Variants in KCTD1 observed in about 807,000 individuals in gnomAD.
The protein encoded by KCTD1 is potassium channel tetramerization domain containing 1.
Under a neutral mutation model 66.0 loss-of-function variants are expected in KCTD1, and 24 were observed. The ratio of observed to expected loss-of-function variants is 0.36; its 90% CI spans 0.26 to 0.51. KCTD1 has a LOEUF of 0.51. KCTD1 is among the 20% of genes least tolerant of loss of function. The pLI is 0.95. For missense variants in KCTD1, 943 were observed against 1,205.2 expected, an observed-to-expected ratio of 0.78 and a Z score of 3.22; for synonymous variants, 511 against 517.2, an observed-to-expected ratio of 0.99 and a Z score of 0.16.
chr18:26,639,533 A>G (rs1032884448), intron 1 of KCTD1, among the ~76,000 whole-genome samples: 2 of 152,194 alleles, frequency 1.3e-5, no homozygotes, highest in African/African-American at 4.8e-5. Context: ...GAAAAAAATG[A>G]GAAAATAAAA....
intron 1 of KCTD1, among the ~76,000 whole-genome samples, chr18:26,639,216 G>A (rs1447176745): frequency 6.6e-6 from 1 of 152,170 alleles, no homozygotes; most frequent in East Asian, 1.9e-4. Flanking sequence ...GAATCTCTGC[G>A]AAGTAAGGAC....
At chr18:26,561,458 C>A (rs1985846571) in intron 1 of KCTD1, among the ~76,000 whole-genome samples, 1 of 152,160 alleles carries the variant, frequency 6.6e-6, no homozygotes, top group African/African-American at 2.4e-5. Flanking sequence ...CCCATGTCTC[C>A]AGGTGCCTAT....
Position 26,634,595 on chromosome 18 carries a change from C to A in KCTD1, c.-106-5358G>T, listed in dbSNP as rs540176995. On this transcript the variant is annotated intron_variant, in intron 1 of 5. Coordinates refer to the KCTD1 transcript ENST00000579973. ...AGTATGTATGATATGATTACATGTG[C>A]ACATTTATATAATTAAAATTTATAT... is the stretch of plus-strand genomic sequence containing the variant. Among the ~76,000 whole-genome samples, 27 of 152,158 alleles carry A rather than the reference C, an allele frequency of 1.8e-4. No homozygotes were observed. The South Asian group carries it at 5.2e-3, about 29-fold the overall frequency.
intron 1 of KCTD1, among the ~76,000 whole-genome samples, chr18:26,563,543 T>A (rs1985911492): frequency 6.6e-6 from 1 of 152,246 alleles, no homozygotes. Flanking sequence ...TGATTTCACA[T>A]GTTACCTCCT....
intron 1 of KCTD1, among the ~76,000 whole-genome samples, chr18:26,586,704 C>T (rs1986480098): frequency 6.6e-6 from 1 of 152,200 alleles, no homozygotes. Context: ...GAAAGCAAAA[C>T]AGCCTTATTG....
At chr18:26,493,268 T>C (rs1307068780) in intron 2 of KCTD1, among the ~76,000 whole-genome samples, 1 of 152,208 alleles carries the variant, frequency 6.6e-6, no homozygotes, top group Middle Eastern at 3.2e-3. Context: ...ATGTGCGATG[T>C]CTGTGGCTAG....
chr18:26,646,879 G>T (rs190597638), intron 1 of KCTD1, among the ~76,000 whole-genome samples: 4 of 152,156 alleles, frequency 2.6e-5, no homozygotes, highest in East Asian at 1.9e-4. Context: ...GAACACAAAG[G>T]TTTAATGGGA....
intron 3 of KCTD1, among the ~76,000 whole-genome samples, chr18:26,460,349 C>T (rs1235543252): frequency 6.6e-6 from 1 of 152,204 alleles, no homozygotes; most frequent in African/African-American, 2.4e-5. Flanking sequence ...AATTTCTATC[C>T]TCTTGGATGG....
At chr18:26,616,265 A>C (rs1239111654) in intron 1 of KCTD1, among the ~76,000 whole-genome samples, 1 of 151,578 alleles carries the variant, frequency 6.6e-6, no homozygotes, top group Non-Finnish European at 1.5e-5. Context: ...AGATTGATCA[A>C]ATGCTTTAAT....
chr18:26,593,175 G>T (rs1414887718), intron 1 of KCTD1, among the ~76,000 whole-genome samples: 2 of 152,162 alleles, frequency 1.3e-5, no homozygotes, highest in Admixed American at 1.3e-4. Flanking sequence ...CCACTTCCAT[G>T]CTTCACTCTT....
chr18:26,582,118 A>AT (rs1986367720), intron 1 of KCTD1, among the ~76,000 whole-genome samples: 1 of 151,932 alleles, frequency 6.6e-6, no homozygotes, highest in African/African-American at 2.4e-5. Context: ...AAAAAAAAAA[A>AT]AAAAATTAGC....
intron 1 of KCTD1, among the ~76,000 whole-genome samples, chr18:26,568,852 A>G (rs1048988347): frequency 6.6e-6 from 1 of 152,204 alleles, no homozygotes; most frequent in Non-Finnish European, 1.5e-5. Flanking sequence ...ACCCTTGTTG[A>G]TACTGTTGAA....
chr18:26,641,954 A>G (rs1028179742), upstream of KCTD1, among the ~76,000 whole-genome samples: 1 of 152,216 alleles, frequency 6.6e-6, no homozygotes, highest in African/African-American at 2.4e-5. Context: ...TAATAATTAT[A>G]CTGACAATGG....
chr18:26,483,127 A>G (rs550679758), intron 2 of KCTD1, among the ~76,000 whole-genome samples: 1 of 152,256 alleles, frequency 6.6e-6, no homozygotes, highest in Non-Finnish European at 1.5e-5. Flanking sequence ...TAATTATAAA[A>G]GTGATACCTG....
rs1285098572 is a variant in KCTD1 at position 26,468,268 on chromosome 18, G to A, written c.2133+8247C>T. 6.6e-6 allele frequency among the ~76,000 whole-genome samples: 1 copy of A among 152,240 alleles called. No homozygotes were observed. Among genetic ancestry groups the A allele is most frequent in the Non-Finnish European group, 1.5e-5 (1 of 68,036 alleles). On this transcript the variant is annotated intron_variant, in intron 3 of 4. Coordinates refer to ENST00000580059, the MANE Select transcript of KCTD1 (RefSeq NM_001142730.3). This position sits in a 1 kb window ranked among gnomAD's most constrained non-coding sequence, Gnocchi z 4.8. The stretch of plus-strand genomic sequence containing the variant: ...AAAGTTCTGCAATCACTTATGCAGA[G>A]AACAGATCTCAACAGCTTTCCATGG...
At chr18:26,552,135 C>A (rs1985588906), upstream of KCTD1, among the ~76,000 whole-genome samples, 1 of 152,170 alleles carries the variant, frequency 6.6e-6, no homozygotes, top group South Asian at 2.1e-4. Context: ...TGTGCTTCTC[C>A]ACTTCTCAGA....
chr18:26,537,121 T>C (rs546737547), intron 1 of KCTD1, among the ~76,000 whole-genome samples: 1 of 152,334 alleles, frequency 6.6e-6, no homozygotes, highest in East Asian at 1.9e-4. Flanking sequence ...CTTGTTATAC[T>C]TTTACTTAGA....
At chr18:26,647,542 A>AAAAAAAAAAAAAAT (rs1987953432) in intron 1 of KCTD1, among the ~76,000 whole-genome samples, 1 of 107,852 alleles carries the variant, frequency 9.3e-6, no homozygotes, top group Non-Finnish European at 2.1e-5. Flanking sequence ...AAAAAAAAAA[A>AAAAAAAAAAAAAAT]AAAAAAAAAA....
At chr18:26,581,350 C>A (rs1182747930) in intron 1 of KCTD1, 1 of 152,266 alleles carries the variant, frequency 6.6e-6, no homozygotes. Flanking sequence ...CAGGCTCAAG[C>A]AATCCTCCCA....
Sources: gnomAD v4.1 joint callset for allele counts (sites outside exome capture counted in the v4.1 genomes callset) on GRCh38, gnomAD v4.1.1 for gene constraint, Gnocchi (gnomAD v3.1) non-coding constraint, MANE v1.5 for transcripts, NCBI Gene and HGNC (gene_info 2026-07-23, HGNC 2026-07-21) for gene names.